The following FARS2 variants were observed in gnomAD, a reference collection of about 807,000 sequenced individuals.
FARS2 encodes phenylalanine--tRNA ligase, mitochondrial.
FARS2 carries 40 observed loss-of-function variants against 46.4 expected under a neutral mutation model. That is an observed-to-expected ratio of 0.86 (90% CI 0.67 to 1.12). The LOEUF (loss-of-function observed/expected upper bound fraction) is 1.12, where lower values mean the gene tolerates loss of function less well. Ranked by LOEUF, FARS2 falls within the 50% of genes most tolerant of loss-of-function variation. FARS2 has a pLI of 0.00. For synonymous variants in FARS2, 234 were observed against 214.9 expected (o/e 1.09, Z -0.78); for missense variants, 513 against 567.9 (o/e 0.90, Z 0.98).
intron 1 of FARS2, among the ~76,000 whole-genome samples, chr6:5,337,130 T>C (rs1010301582): frequency 2.6e-5 from 4 of 151,640 alleles, no homozygotes; most frequent in Non-Finnish European, 4.4e-5. Context: ...TCCTTCTACA[T>C]TGGTTTATGA....
intron 1 of FARS2, among the ~76,000 whole-genome samples, chr6:5,310,817 A>G (rs1229838309): frequency 3.3e-5 from 5 of 152,232 alleles, no homozygotes; most frequent in Admixed American, 2.6e-4. Context: ...TCACTGCTAT[A>G]TCCTGAAAAT....
At chr6:5,419,392 G>T (rs1170518464) in intron 3 of FARS2, among the ~76,000 whole-genome samples, 1 of 152,096 alleles carries the variant, frequency 6.6e-6, no homozygotes, top group Admixed American at 6.5e-5. Context: ...TGTTCTGCTG[G>T]CTGTATTACT....
intron 1 of FARS2, among the ~76,000 whole-genome samples, chr6:5,285,808 C>T (rs565849223): frequency 4.6e-5 from 7 of 152,366 alleles, no homozygotes; most frequent in African/African-American, 1.7e-4. Context: ...CCTCAGCACT[C>T]CTGAGAGGCC....
chr6:5,274,827 C>G (rs745451584), intron 1 of FARS2, among the ~76,000 whole-genome samples: 15 of 152,184 alleles, frequency 9.9e-5, no homozygotes, highest in Non-Finnish European at 2.1e-4. Context: ...CCTTCTGCAT[C>G]AGCCTCCCAA....
At chr6:5,740,252 A>G (rs529681180) in intron 6 of FARS2, among the ~76,000 whole-genome samples, 2 of 152,284 alleles carry the variant, frequency 1.3e-5, no homozygotes, top group East Asian at 3.9e-4. Context: ...TTTTTCATCT[A>G]AGGCATGATA....
At chr6:5,690,866 G>A (rs1757654963) in intron 6 of FARS2, among the ~76,000 whole-genome samples, 1 of 152,128 alleles carries the variant, frequency 6.6e-6, no homozygotes, top group Non-Finnish European at 1.5e-5. Context: ...TTTTCACATA[G>A]TCCCATATTT....
At chr6:5,707,412 G>A (rs916409317) in intron 6 of FARS2, among the ~76,000 whole-genome samples, 7 of 152,178 alleles carry the variant, frequency 4.6e-5, no homozygotes, top group Non-Finnish European at 1.0e-4. Flanking sequence ...TTAGGAACAC[G>A]TGGCCTAAGG....
chr6:5,317,084 A>G (rs1221418453), intron 1 of FARS2, among the ~76,000 whole-genome samples: 1 of 152,240 alleles, frequency 6.6e-6, no homozygotes, highest in East Asian at 1.9e-4. Context: ...ACAGGATTAC[A>G]GTGAAAAGTA....
chr6:5,311,799 C>G lies in FARS2; in HGVS notation c.-22+50139C>G, dbSNP rs970827043. Among the ~76,000 whole-genome samples the G allele has an allele frequency of 5.3e-5, 8 of 152,044 alleles. No homozygotes were observed. The highest frequency in any genetic ancestry group is 1.9e-4 in the African/African-American group (8 of 41,378). ...GGGAAGAAGCAGCTCATGTTTGGAT[C>G]TAGCTGTCAAAAATGAGAGATAAAA... On this transcript the variant is annotated intron_variant, in intron 1 of 6. Transcript: ENST00000274680. This position sits in a 1 kb window ranked among gnomAD's most constrained non-coding sequence, Gnocchi z 4.1.
At chr6:5,251,383 G>A in the FARS2 span, among the ~76,000 whole-genome samples, 2 of 152,144 alleles carry the variant, frequency 1.3e-5, no homozygotes, top group East Asian at 1.9e-4. Flanking sequence ...GAAGAAAAGA[G>A]GTTTAATTGG....
At chr6:5,747,293 G>A (rs1413597365) in intron 6 of FARS2, among the ~76,000 whole-genome samples, 1 of 152,222 alleles carries the variant, frequency 6.6e-6, no homozygotes, top group Non-Finnish European at 1.5e-5. Context: ...CAGGAGGAGG[G>A]ATGTGATGTG....
intron 2 of FARS2, among the ~76,000 whole-genome samples, chr6:5,374,672 A>G (rs1288924515): frequency 6.6e-6 from 1 of 152,094 alleles, no homozygotes; most frequent in Non-Finnish European, 1.5e-5. Context: ...AACATAGATT[A>G]TTCCTTTTTA....
At chr6:5,574,438 G>A (rs1317965093) in intron 5 of FARS2, among the ~76,000 whole-genome samples, 4 of 152,184 alleles carry the variant, frequency 2.6e-5, no homozygotes, top group African/African-American at 9.7e-5. Flanking sequence ...TAGGTCTACT[G>A]TATGGAGCGG....
At position 5,389,839 on chromosome 6, in the gene FARS2, C is replaced by G. The variant is rs1003384815; in HGVS notation, c.613-14703C>G. On this transcript the variant is annotated intron_variant, in intron 2 of 6. Coordinates refer to ENST00000274680, the MANE Select transcript of FARS2 (RefSeq NM_006567.5). ...CCTACTACAGTTTTTTTGTTTTTGT[C>G]GTTGTTGTTGTTATTGTTGTTTTTG... 3.7e-5 allele frequency among the ~76,000 whole-genome samples: 5 copies of G among 135,102 alleles called. No individual in the cohort carries two copies. The East Asian group carries it at 1.2e-3, about 33-fold the overall frequency. 88.6% of individuals were successfully genotyped at this position (135,102 alleles called of 152,430 possible). A position where few individuals can be genotyped will look rare whatever the true frequency, so the allele number is the denominator to read the frequency against.
the FARS2 span, among the ~76,000 whole-genome samples, chr6:5,255,964 G>A: frequency 1.3e-5 from 2 of 151,970 alleles, no homozygotes; most frequent in African/African-American, 4.8e-5. Context: ...CACTTATCAA[G>A]TACCTATTCT....
Position 5,689,139 on chromosome 6 carries a change from T to C in FARS2, c.1217+75819T>C, listed in dbSNP as rs186915419. On this transcript the variant is annotated intron_variant, in intron 6 of 6. Transcript: ENST00000274680. ...AGCAGTCTCTCAATTTTGTTGATCT[T>C]TTCAAAAAACCAGCTCCTGGGTTCA... 2.7e-4 allele frequency among the ~76,000 whole-genome samples: 41 copies of C among 152,334 alleles called. 1 individual carries two copies. Among genetic ancestry groups the C allele is most frequent in the Admixed American group, 1.3e-3 (20 of 15,300 alleles).
intron 4 of FARS2, among the ~76,000 whole-genome samples, chr6:5,444,713 G>T (rs1258332379): frequency 6.6e-6 from 1 of 152,160 alleles, no homozygotes; most frequent in East Asian, 1.9e-4. Context: ...CTGTGTGGGT[G>T]GGTGGACCCC....
intron 1 of FARS2, among the ~76,000 whole-genome samples, chr6:5,345,080 C>A (rs190587194): frequency 1.5e-4 from 23 of 152,136 alleles, no homozygotes; most frequent in Admixed American, 1.5e-3. Flanking sequence ...GCATGAGCCA[C>A]CACGCCTGGC....
intron 5 of FARS2, among the ~76,000 whole-genome samples, chr6:5,603,264 T>G (rs1189157837): frequency 1.3e-5 from 2 of 152,092 alleles, no homozygotes; most frequent in East Asian, 3.9e-4. Flanking sequence ...CCCAGCTAAT[T>G]TTTGTATTTT....
Sources: allele counts gnomAD v4.1 joint callset (sites outside exome capture counted in the v4.1 genomes callset), GRCh38; gene constraint gnomAD v4.1.1; non-coding constraint Gnocchi (gnomAD v3.1); transcripts MANE v1.5; gene names NCBI Gene and HGNC (gene_info 2026-07-23, HGNC 2026-07-21).